The following FRMD4A variants were observed in gnomAD, a reference collection of about 807,000 sequenced individuals.
The protein encoded by FRMD4A is FERM domain containing 4A, also known as FERM domain-containing protein 4A.
FRMD4A carries 29 observed loss-of-function variants against 129.1 expected under a neutral mutation model. The ratio of observed to expected loss-of-function variants is 0.22; its 90% CI spans 0.17 to 0.31. The LOEUF is 0.31. FRMD4A is among the 10% of genes least tolerant of loss of function. The pLI, the probability that FRMD4A is intolerant of heterozygous loss-of-function variation, is 1.00. For missense variants in FRMD4A, 1,272 were observed against 1,375.8 expected (o/e 0.92, Z 1.19); for synonymous variants, 634 against 571.6 (o/e 1.11, Z -1.56).
intron 2 of FRMD4A, among the ~76,000 whole-genome samples, chr10:14,193,401 C>T (rs1465461290): frequency 2.6e-5 from 4 of 151,968 alleles, no homozygotes; most frequent in East Asian, 1.9e-4. Flanking sequence ...TTCCAGAAAA[C>T]GGAAATGTCA....
At position 13,684,796 on chromosome 10, in the gene FRMD4A, G is replaced by A. The variant is rs567187906; in HGVS notation, c.1117+9102C>T. 21 of 984,464 alleles carry A rather than the reference G, an allele frequency of 2.1e-5. No individual in the cohort carries two copies. The African/African-American group carries it at 3.3e-4, about 16-fold the overall frequency. The allele number at this position is 984,464 out of a possible 1,614,324, so 61.0% of individuals were successfully genotyped here. A position where few individuals can be genotyped will look rare whatever the true frequency, so the allele number is the denominator to read the frequency against. The stretch of plus-strand genomic sequence containing the variant: ...GAGGGGAAACTTCAAAGCAAACAAT[G>A]CTCCAAAGAAGAAAGGAATCGGTTG... On this transcript the variant is annotated intron_variant, in intron 15 of 24. Coordinates refer to ENST00000357447, the MANE Select transcript of FRMD4A (RefSeq NM_018027.5).
At chr10:13,721,956 G>A (rs918645033) in intron 12 of FRMD4A, among the ~76,000 whole-genome samples, 6 of 152,148 alleles carry the variant, frequency 3.9e-5, no homozygotes, top group East Asian at 1.9e-4. Context: ...TCAGTCAAAC[G>A]TGAGGACGGA....
intron 2 of FRMD4A, among the ~76,000 whole-genome samples, chr10:14,277,894 A>G (rs1845395255): frequency 6.6e-6 from 1 of 152,210 alleles, no homozygotes; most frequent in Non-Finnish European, 1.5e-5. Flanking sequence ...GCTCCCTTTA[A>G]TGCACACTAC....
At chr10:14,115,465 T>C (rs1452736311) in intron 2 of FRMD4A, among the ~76,000 whole-genome samples, 1 of 152,244 alleles carries the variant, frequency 6.6e-6, no homozygotes, top group African/African-American at 2.4e-5. Context: ...ATATTGCTTA[T>C]ATAATTGTTC....
intron 16 of FRMD4A, among the ~76,000 whole-genome samples, chr10:13,671,725 C>T (rs1014422937): frequency 6.6e-6 from 1 of 152,188 alleles, no homozygotes; most frequent in Non-Finnish European, 1.5e-5. Context: ...GTGGCTGCCC[C>T]ACACTGTAGA....
intron 13 of FRMD4A, among the ~76,000 whole-genome samples, chr10:13,703,162 T>A (rs1051470189): frequency 3.3e-5 from 5 of 152,158 alleles, no homozygotes; most frequent in African/African-American, 1.2e-4. Flanking sequence ...GGTGCAAGGC[T>A]AGGTACCTCC....
intron 2 of FRMD4A, among the ~76,000 whole-genome samples, chr10:13,874,439 A>G (rs868770209): frequency 1.3e-5 from 2 of 152,100 alleles, no homozygotes; most frequent in Non-Finnish European, 1.5e-5. Context: ...CTCTAAGCCT[A>G]AAAGCAATGA....
intron 2 of FRMD4A, among the ~76,000 whole-genome samples, chr10:14,033,306 CA>C (rs11312756): frequency 0.77 from 109,355 of 141,414 alleles, 42,144 homozygotes; most frequent in South Asian, 0.85. Context: ...GACTGTGTCT[CA>C]AAAAAAAAAA....
intron 3 of FRMD4A, among the ~76,000 whole-genome samples, chr10:13,848,707 A>G (rs193090199): frequency 0.016 from 2,422 of 151,954 alleles, 42 homozygotes; most frequent in Middle Eastern, 0.027. Context: ...GCCCTCTCTC[A>G]CAGCCTCTTG....
At chr10:13,699,875 T>C (rs1408289384) in intron 14 of FRMD4A, among the ~76,000 whole-genome samples, 1 of 152,136 alleles carries the variant, frequency 6.6e-6, no homozygotes, top group East Asian at 1.9e-4. Flanking sequence ...ATTCCTGCGC[T>C]AGGACTAGGA....
At chr10:13,919,347 TC>T (rs2095044770) in intron 2 of FRMD4A, among the ~76,000 whole-genome samples, 1 of 152,214 alleles carries the variant, frequency 6.6e-6, no homozygotes, top group African/African-American at 2.4e-5. Flanking sequence ...GCCTATATTT[TC>T]CAATTACGTG....
intron 2 of FRMD4A, among the ~76,000 whole-genome samples, chr10:14,293,930 AT>A (rs1046381868): frequency 2.2e-5 from 3 of 135,440 alleles, no homozygotes; most frequent in African/African-American, 7.8e-5. Context: ...GATAATGTAA[AT>A]TTAAGAAGAA....
At chr10:13,669,448 A>G (rs1412439645) in intron 17 of FRMD4A, among the ~76,000 whole-genome samples, 1 of 152,144 alleles carries the variant, frequency 6.6e-6, no homozygotes, top group African/African-American at 2.4e-5. Flanking sequence ...ATCTCAGGAG[A>G]TTCCTCTAAC....
intron 2 of FRMD4A, among the ~76,000 whole-genome samples, chr10:13,974,980 G>GGT (rs36211073): frequency 9.2e-5 from 14 of 151,466 alleles, no homozygotes; most frequent in African/African-American, 2.7e-4. Context: ...ATTCACTATA[G>GGT]GTGTGTGTGT....
intron 2 of FRMD4A, among the ~76,000 whole-genome samples, chr10:14,177,470 G>C (rs1841771697): frequency 6.6e-6 from 1 of 151,908 alleles, no homozygotes; most frequent in Non-Finnish European, 1.5e-5. Flanking sequence ...ACTGTGCCTG[G>C]CCCCAATCAT....
At chr10:14,102,534 G>A (rs1837363422) in intron 2 of FRMD4A, among the ~76,000 whole-genome samples, 1 of 152,128 alleles carries the variant, frequency 6.6e-6, no homozygotes, top group Non-Finnish European at 1.5e-5. Flanking sequence ...GGGTGCTCTG[G>A]ACACAGAGGG....
intron 2 of FRMD4A, among the ~76,000 whole-genome samples, chr10:14,174,922 C>T (rs866250518): frequency 1.1e-4 from 14 of 129,638 alleles, no homozygotes; most frequent in Admixed American, 9.3e-4. Context: ...TGTGTGTGGA[C>T]GCGCGCGTAC....
chr10:14,152,352 T>C (rs964551194), intron 2 of FRMD4A, among the ~76,000 whole-genome samples: 1 of 151,958 alleles, frequency 6.6e-6, no homozygotes, highest in Non-Finnish European at 1.5e-5. Flanking sequence ...ATGGTCTCGA[T>C]CTCCCGACAA....
intron 3 of FRMD4A, among the ~76,000 whole-genome samples, chr10:13,849,512 C>A (rs1355768175): frequency 1.3e-5 from 2 of 150,136 alleles, no homozygotes; most frequent in South Asian, 4.2e-4. Context: ...ACGGAGTTCG[C>A]TCTTGTTGCC....
Sources: allele counts gnomAD v4.1 joint callset (sites outside exome capture counted in the v4.1 genomes callset), GRCh38; gene constraint gnomAD v4.1.1; transcripts MANE v1.5; gene names NCBI Gene and HGNC (gene_info 2026-07-23, HGNC 2026-07-21).